CCDC74A: variants seen among roughly 807,000 people sequenced by gnomAD.
The protein encoded by CCDC74A is coiled-coil domain-containing protein 74A.
Under a neutral mutation model 37.6 loss-of-function variants are expected in CCDC74A, and 38 were observed. That is an observed-to-expected ratio of 1.01 (90% confidence interval 0.78 to 1.33). The LOEUF (loss-of-function observed/expected upper bound fraction) is 1.33, where lower values mean the gene tolerates loss of function less well. Among genes scored for constraint, CCDC74A ranks in the 40% most tolerant of loss-of-function variants. The pLI, the probability that CCDC74A is intolerant of heterozygous loss-of-function variation, is 0.00. For synonymous variants in CCDC74A, 134 were observed against 165.2 expected (o/e 0.81, Z 1.45); for missense variants, 340 against 403.4 (o/e 0.84, Z 1.35).
At chr2:131,525,894 A>G (rs184680528), upstream of CCDC74A, among the ~76,000 whole-genome samples, 150 of 150,546 alleles carry the variant, frequency 1.0e-3, no homozygotes, top group African/African-American at 3.4e-3. Context: ...AATTTTTTGT[A>G]TTTTTAGTAG....
Position 131,530,953 on chromosome 2 carries a change from G to C in CCDC74A, c.346+126G>C, listed in dbSNP as rs1681182813. On this transcript the variant is annotated intron_variant, in intron 3 of 7. Transcript: ENST00000409856. ...CCAAGCTCCAGGATTTGGGGATGAA[G>C]GTGCAGCTGAAAAGAGCCCTGCAAG... 2.0e-6 allele frequency: 3 copies of C among 1,482,846 alleles called. No homozygotes were observed. In the South Asian group the frequency reaches 4.2e-5, roughly 21 times the overall value. 91.9% of individuals were successfully genotyped at this position (1,482,846 alleles called of 1,614,324 possible).
upstream of CCDC74A, among the ~76,000 whole-genome samples, chr2:131,522,713 C>G (rs1460142032): frequency 6.6e-6 from 1 of 152,160 alleles, no homozygotes; most frequent in Non-Finnish European, 1.5e-5. Flanking sequence ...CCACGATCTA[C>G]CGCTAGGATA....
upstream of CCDC74A, among the ~76,000 whole-genome samples, chr2:131,524,273 A>G (rs1313184778): frequency 1.3e-5 from 2 of 152,244 alleles, no homozygotes; most frequent in East Asian, 1.9e-4. Flanking sequence ...GAGAGTAAGT[A>G]TGGTTTAAGG....
At chr2:131,530,205 A>G (rs1035316616) in intron 2 of CCDC74A, 1 of 1,548,434 alleles carries the variant, frequency 6.5e-7, no homozygotes, top group Non-Finnish European at 8.7e-7. Flanking sequence ...TGTCCAAGGC[A>G]CTTCCCCATC....
intron 2 of CCDC74A, chr2:131,530,271 C>G: frequency 6.5e-7 from 1 of 1,544,446 alleles, no homozygotes; most frequent in Non-Finnish European, 8.7e-7. Flanking sequence ...AAGCTCACTT[C>G]CCATTATCTT....
chr2:131,528,162 C>G lies in CCDC74A; in HGVS notation c.192C>G (p.His64Gln). 6.2e-7 allele frequency: 1 copy of G among 1,613,908 alleles called. No homozygotes were observed. Among genetic ancestry groups the G allele is most frequent in the Non-Finnish European group, 8.5e-7 (1 of 1,179,836 alleles). ...EKSLQFLQQQ[H>Q]SEMLAKLHEE... is the part of the protein sequence containing the mutation. ...GCCTGCAGTTCCTGCAGCAGCAGCA[C>G]TCGGAGATGCTGGCCAAGCTCCATG... is the stretch of plus-strand genomic sequence containing the variant. The change falls in exon 1 of 8, where the codon CAC (histidine) becomes CAG (glutamine). Residue 64 changes from histidine (H) to glutamine (Q), a missense_variant. Physicochemically the swap from His to Gln is conservative, Grantham distance 24. Coordinates refer to ENST00000409856, the MANE Select transcript of CCDC74A (RefSeq NM_001258306.3).
At chr2:131,525,711 C>CT (rs58721770), upstream of CCDC74A, among the ~76,000 whole-genome samples, 6,408 of 63,518 alleles carry the variant, frequency 0.1, 633 homozygotes, top group Non-Finnish European at 0.11. Context: ...CTATGCCTGC[C>CT]TTTTTTTTTT....
rs1331864847 is a variant in CCDC74A at position 131,529,631 on chromosome 2, G to A, written c.251-16G>A. 12 of 1,614,000 alleles carry A rather than the reference G, an allele frequency of 7.4e-6. No individual in the cohort carries two copies. In the South Asian group the frequency reaches 9.9e-5, roughly 13 times the overall value. On this transcript the variant is annotated splice_polypyrimidine_tract_variant and intron_variant, in intron 1 of 7. Transcript: ENST00000409856. ...TGGTTTCACAAGTGCTGAGGAGAGC[G>A]TGTGCTTGCTTTCAGATCTCCATTA... is the stretch of plus-strand genomic sequence containing the variant.
At chr2:131,530,885 C>T in intron 3 of CCDC74A, 58 bp downstream of exon 3, 3 of 1,595,374 alleles carry the variant, frequency 1.9e-6, no homozygotes, top group Non-Finnish European at 1.7e-6. Flanking sequence ...GGACCCCAGC[C>T]TGGGTGGCCT....
At chr2:131,529,486 C>G (rs745327222) in intron 1 of CCDC74A, 161 bp from the exon 2 acceptor site, 2 of 955,232 alleles carry the variant, frequency 2.1e-6, no homozygotes, top group African/African-American at 1.6e-5. Context: ...ACACCCACGA[C>G]GAAGGCGTGG....
chr2:131,527,733 G>A (rs1680417234), upstream of CCDC74A: 2 of 583,166 alleles, frequency 3.4e-6, no homozygotes, highest in Admixed American at 3.9e-5. Context: ...GACCTCAAAT[G>A]ATCCGTCCGC....
intron 1 of CCDC74A, chr2:131,528,640 C>T: frequency 1.6e-6 from 1 of 628,958 alleles, no homozygotes; most frequent in Non-Finnish European, 2.8e-6. Flanking sequence ...GAAATCTCGT[C>T]TCTACTAAAA....
Position 131,533,306 on chromosome 2 carries a change from G to A in CCDC74A, c.847G>A (p.Ala283Thr), listed in dbSNP as rs751002723. The A allele has an allele frequency of 7.6e-5, 122 of 1,613,214 alleles. 1 individual carries two copies. The South Asian group carries it at 9.9e-4, about 13-fold the overall frequency. Residue 283 changes from alanine to threonine, a missense_variant, in exon 8 of 8, where the codon GCA becomes ACA. Ala to Thr is a moderately conservative substitution (Grantham distance 58). Transcript: ENST00000409856. The stretch of plus-strand genomic sequence containing the variant: ...TGTGGCGGAGCGTGCCATCCTGCCC[G>A]CACTGAAGCAGACCCCGAAGAACAA... ...PPVAERAILP[A>T]LKQTPKNNFA...
chr2:131,532,598 A>G lies in CCDC74A; in HGVS notation c.495A>G (p.Lys165=). 1 of 1,582,622 alleles carries G rather than the reference A, an allele frequency of 6.3e-7. No individual in the cohort carries two copies. Among genetic ancestry groups the G allele is most frequent in the Non-Finnish European group, 8.6e-7 (1 of 1,165,668 alleles). The part of the protein sequence containing the change: ...PGVQGQARKE[K]AEASNAGAAC... ...GCAATGACTGTTTCAGAAAGGAGAA[A>G]GCAGAGGCCTCTAATGCAGGAGCTG... The change falls in exon 5 of 8, where the codon AAA becomes AAG. Residue 165 remains lysine (K), a synonymous_variant. Coordinates refer to ENST00000409856, the MANE Select transcript of CCDC74A (RefSeq NM_001258306.3).
upstream of CCDC74A, among the ~76,000 whole-genome samples, chr2:131,523,473 C>CA (rs1449742101): frequency 6.6e-6 from 1 of 151,988 alleles, no homozygotes; most frequent in Non-Finnish European, 1.5e-5. Flanking sequence ...ACTAAAAATA[C>CA]AAAAATTAGC....
intron 2 of CCDC74A, chr2:131,530,438 G>A: frequency 1.3e-6 from 2 of 1,548,090 alleles, no homozygotes; most frequent in East Asian, 4.9e-5. Context: ...GGCAACTCCA[G>A]TGAGCTGTTC....
chr2:131,531,441 T>C (rs1681276484), intron 3 of CCDC74A, among the ~76,000 whole-genome samples: 1 of 150,406 alleles, frequency 6.6e-6, no homozygotes. Flanking sequence ...CTATGTTGAT[T>C]GTTCTAGAGT....
chr2:131,523,533 A>C (rs56979365), upstream of CCDC74A, among the ~76,000 whole-genome samples: 5,258 of 152,286 alleles, frequency 0.035, 110 homozygotes, highest in Middle Eastern at 0.088. Context: ...AGGCTGAGGC[A>C]GGAAAATCGC....
upstream of CCDC74A, among the ~76,000 whole-genome samples, chr2:131,523,793 C>G (rs1306871058): frequency 8.5e-5 from 13 of 152,132 alleles, no homozygotes; most frequent in East Asian, 9.7e-4. Context: ...TATGACCTTC[C>G]AGGGGCACCC....
Sources: allele counts gnomAD v4.1 joint callset (sites outside exome capture counted in the v4.1 genomes callset), GRCh38; gene constraint gnomAD v4.1.1; transcripts MANE v1.5; gene names NCBI Gene and HGNC (gene_info 2026-07-23, HGNC 2026-07-21).